Variants in RYR3 observed in about 807,000 individuals in gnomAD.
RYR3 encodes brain ryanodine receptor-calcium release channel.
RYR3 carries 207 observed loss-of-function variants against 584.3 expected under a neutral mutation model. That is an observed-to-expected ratio of 0.35 (90% CI 0.32 to 0.40). The LOEUF is 0.40. Among genes scored for constraint, RYR3 ranks in the 10% least tolerant of loss-of-function variants. RYR3 has a pLI of 1.00. For synonymous variants in RYR3, 2,416 were observed against 2,248.5 expected (o/e 1.07, Z -2.11); for missense variants, 5,616 against 6,089.2 (o/e 0.92, Z 2.59).
intron 1 of RYR3, among the ~76,000 whole-genome samples, chr15:33,357,373 A>T (rs1406916699): frequency 1.3e-5 from 2 of 152,226 alleles, no homozygotes; most frequent in Non-Finnish European, 2.9e-5. Context: ...GAGTCCCGGT[A>T]GGTGAGGGCA....
At chr15:33,428,385 G>A (rs1266398161) in intron 1 of RYR3, among the ~76,000 whole-genome samples, 1 of 152,208 alleles carries the variant, frequency 6.6e-6, no homozygotes, top group Admixed American at 6.5e-5. Context: ...AAAAGTCATT[G>A]TGTGCAGGTA....
intron 7 of RYR3, among the ~76,000 whole-genome samples, chr15:33,541,093 CT>C (rs879425950): frequency 4.0e-3 from 592 of 149,442 alleles, no homozygotes; most frequent in Middle Eastern, 0.024. Flanking sequence ...CATCCCTGAA[CT>C]TTTTTTTTTA....
intron 17 of RYR3, among the ~76,000 whole-genome samples, chr15:33,602,582 A>G (rs763978240): frequency 5.3e-5 from 8 of 152,186 alleles, no homozygotes; most frequent in Non-Finnish European, 8.8e-5. Context: ...ACATTTCAGC[A>G]TCGTTGCCCA....
chr15:33,507,720 G>T (rs1567400336), intron 3 of RYR3, among the ~76,000 whole-genome samples: 1 of 152,130 alleles, frequency 6.6e-6, no homozygotes, highest in South Asian at 2.1e-4. Flanking sequence ...TGAAAAAAAT[G>T]CTCAGTCTTC....
At position 33,859,662 on chromosome 15, in the gene RYR3, A is replaced by G. The variant is rs1361004094; in HGVS notation, c.14230A>G (p.Met4744Val). The change falls in exon 100 of 104, where the codon ATG (methionine) becomes GTG (valine). Residue 4744 changes from methionine to valine, a missense_variant. Physicochemically the swap from Met to Val is conservative, Grantham distance 21 (BLOSUM62 1). This residue lies in a region of RYR3 where 918 missense variants were observed against 887.4 expected (regional missense o/e 1.03). Transcript: ENST00000634891. ...IEDPAGDPYE[M>V]YRIVFDITFF... ...AGACCCTGCTGGTGATCCTTATGAAATGTATCGCATTGTCTTTGACATTAC... is the reference window on the plus strand; with the variant it reads ...AGACCCTGCTGGTGATCCTTATGAAGTGTATCGCATTGTCTTTGACATTAC... 2.1e-5 allele frequency: 34 copies of G among 1,613,970 alleles called. No homozygotes were observed. Among genetic ancestry groups the G allele is most frequent in the Non-Finnish European group, 2.8e-5 (33 of 1,179,872 alleles).
chr15:33,398,778 C>A (rs892938099), intron 1 of RYR3, among the ~76,000 whole-genome samples: 4 of 152,132 alleles, frequency 2.6e-5, no homozygotes, highest in African/African-American at 9.7e-5. Flanking sequence ...ACCCACAGTG[C>A]AGAGCCGAGC....
chr15:33,414,664 G>A (rs868120589), intron 1 of RYR3, among the ~76,000 whole-genome samples: 68 of 152,298 alleles, frequency 4.5e-4, no homozygotes, highest in African/African-American at 1.6e-3. Flanking sequence ...GAGTGCAGTG[G>A]CGTGATCTCA....
intron 70 of RYR3, among the ~76,000 whole-genome samples, chr15:33,809,763 G>A (rs1431382696): frequency 6.6e-6 from 1 of 152,070 alleles, no homozygotes; most frequent in Non-Finnish European, 1.5e-5. Context: ...AGCCTCCCAA[G>A]TAGCTGGGAT....
rs548342615 is a variant in RYR3 at position 33,763,737 on chromosome 15, C to G, written c.8706-4921C>G. On this transcript the variant is annotated intron_variant, in intron 60 of 103. Transcript: ENST00000634891. ...TGAAACCCCGTCTCTACTAAAGATA[C>G]AAAAAATTAGCCAGGCATGGTGGCA... Among the ~76,000 whole-genome samples, 7 of 151,658 alleles carry G rather than the reference C, an allele frequency of 4.6e-5. No homozygotes were observed. The South Asian group carries it at 1.5e-3, about 32-fold the overall frequency.
intron 7 of RYR3, among the ~76,000 whole-genome samples, chr15:33,542,781 C>T (rs1431577703): frequency 6.6e-6 from 1 of 152,008 alleles, no homozygotes; most frequent in Non-Finnish European, 1.5e-5. Context: ...GTTCATATGT[C>T]TCCTGAGAAC....
intron 60 of RYR3, among the ~76,000 whole-genome samples, chr15:33,759,557 A>G (rs576938673): frequency 8.5e-5 from 13 of 152,354 alleles, no homozygotes; most frequent in African/African-American, 2.9e-4. Flanking sequence ...GAGATTGAAG[A>G]TCAACTAAAT....
Position 33,420,796 on chromosome 15 carries a change from T to C in RYR3, c.52-52623T>C, listed in dbSNP as rs139097867. Among the ~76,000 whole-genome samples the C allele has an allele frequency of 2.6e-3, 398 of 152,196 alleles. 2 individuals are homozygous for C. Among genetic ancestry groups the C allele is most frequent in the African/African-American group, 9.1e-3 (377 of 41,538 alleles). ...AAGGCCCCTTGATGAAATATGCAGA[T>C]ATGGAAGTAGGAAAGCAAAAATAAT... On this transcript the variant is annotated intron_variant, in intron 1 of 103. Coordinates refer to ENST00000634891, the MANE Select transcript of RYR3 (RefSeq NM_001036.6).
At chr15:33,861,199 AAAGT>A in intron 102 of RYR3, 21 bp downstream of exon 102, 5 of 1,534,540 alleles carry the variant, frequency 3.3e-6, no homozygotes, top group Non-Finnish European at 4.4e-6. Context: ...TTGGTTAACA[AAAGT>A]AATGGCAGCT....
At chr15:33,494,927 T>C (rs901674658) in intron 2 of RYR3, among the ~76,000 whole-genome samples, 2 of 152,218 alleles carry the variant, frequency 1.3e-5, no homozygotes, top group African/African-American at 4.8e-5. Context: ...CTTTAAAATC[T>C]GAATATATAC....
Position 33,602,562 on chromosome 15 carries a change from A to C in RYR3, c.1923-561A>C, listed in dbSNP as rs1185395708. Among the ~76,000 whole-genome samples the C allele has an allele frequency of 2.0e-5, 3 of 152,144 alleles. No homozygotes were observed. In the East Asian group the frequency reaches 5.8e-4, roughly 29 times the overall value. ...AAAAACAAAGGTTTGTAATCTTACA[A>C]ATCTGTATAACATTTCAGCATCGTT... On this transcript the variant is annotated intron_variant, in intron 17 of 103. Transcript: ENST00000634891.
chr15:33,698,084 C>G (rs1258637723), intron 40 of RYR3, 88 bp downstream of exon 40: 2 of 866,638 alleles, frequency 2.3e-6, no homozygotes, highest in Non-Finnish European at 3.9e-6. Flanking sequence ...GCTGGTGTCC[C>G]TTGCCTCAGT....
intron 16 of RYR3, among the ~76,000 whole-genome samples, chr15:33,590,221 C>T (rs945937025): frequency 6.6e-6 from 1 of 152,114 alleles, no homozygotes; most frequent in Non-Finnish European, 1.5e-5. Context: ...AAGGCAGGAA[C>T]CGGCCATTTT....
intron 1 of RYR3, among the ~76,000 whole-genome samples, chr15:33,375,914 A>T (rs1301691755): frequency 2.0e-5 from 3 of 152,086 alleles, no homozygotes; most frequent in African/African-American, 7.2e-5. Flanking sequence ...AATACAAAAA[A>T]TTAGCTGGGC....
At chr15:33,593,889 A>C (rs1436778105) in intron 16 of RYR3, among the ~76,000 whole-genome samples, 1 of 152,170 alleles carries the variant, frequency 6.6e-6, no homozygotes, top group Non-Finnish European at 1.5e-5. Flanking sequence ...ACTTGGCCTA[A>C]TTATTTGTAT....
Sources: allele counts gnomAD v4.1 joint callset (sites outside exome capture counted in the v4.1 genomes callset), GRCh38; gene constraint gnomAD v4.1.1; regional missense constraint gnomAD v4.1.1; transcripts MANE v1.5; gene names NCBI Gene and HGNC (gene_info 2026-07-23, HGNC 2026-07-21).